COL23A1: variants seen among roughly 807,000 people sequenced by gnomAD.
COL23A1 encodes the protein collagen alpha-1(XXIII) chain.
A neutral mutation model predicts 99.3 loss-of-function variants in COL23A1; 97 were observed. The ratio of observed to expected loss-of-function variants is 0.98; its 90% CI spans 0.83 to 1.16. The LOEUF (loss-of-function observed/expected upper bound fraction) is 1.16, where lower values mean the gene tolerates loss of function less well. COL23A1 is among the 50% of genes most tolerant of loss of function. The probability of loss-of-function intolerance (pLI) is 0.00; values close to 1 mark genes in which losing one functional copy is unlikely to be tolerated. For synonymous variants in COL23A1, 320 were observed against 308.2 expected (o/e 1.04, Z -0.40); for missense variants, 762 against 757.4 (o/e 1.01, Z -0.07).
At position 178,366,724 on chromosome 5, in the gene COL23A1, C is replaced by T. The variant is rs572155714; in HGVS notation, c.362-59805G>A. ...CCACACTGAGCATCCCAAACCTCGC[C>T]GGAAGCACGTTCCTCCTCCGTGCCT... On this transcript the variant is annotated intron_variant, in intron 2 of 28. Transcript: ENST00000390654. The surrounding 1 kb of genome is among the most constrained non-coding windows in gnomAD (Gnocchi z 4.4). 3.3e-5 allele frequency among the ~76,000 whole-genome samples: 5 copies of T among 152,214 alleles called. No homozygotes were observed. Among genetic ancestry groups the T allele is most frequent in the East Asian group, 1.9e-4 (1 of 5,188 alleles).
chr5:178,288,646 C>T (rs1017032655), intron 4 of COL23A1: 10 of 537,224 alleles, frequency 1.9e-5, no homozygotes, highest in East Asian at 6.3e-5. Flanking sequence ...CACGTGGGGA[C>T]GTGGGGTTCT....
chr5:178,519,087 C>T (rs1445486986), intron 2 of COL23A1, among the ~76,000 whole-genome samples: 1 of 151,972 alleles, frequency 6.6e-6, no homozygotes, highest in Non-Finnish European at 1.5e-5. Flanking sequence ...GGACGGGCTC[C>T]CTAAGCCACC....
intron 2 of COL23A1, among the ~76,000 whole-genome samples, chr5:178,328,157 G>A (rs755522085): frequency 2.0e-5 from 3 of 152,142 alleles, no homozygotes; most frequent in Non-Finnish European, 4.4e-5. Context: ...CTTTGGCCAA[G>A]GGTTCCTCCT....
intron 2 of COL23A1, among the ~76,000 whole-genome samples, chr5:178,455,984 GTT>G (rs1767769467): frequency 6.6e-6 from 1 of 152,216 alleles, no homozygotes; most frequent in African/African-American, 2.4e-5. Flanking sequence ...AGGGACTTGA[GTT>G]GTTAAGGTGG....
At chr5:178,485,255 T>C (rs1757557619) in intron 2 of COL23A1, among the ~76,000 whole-genome samples, 2 of 149,758 alleles carry the variant, frequency 1.3e-5, no homozygotes, top group South Asian at 4.3e-4. Context: ...GCGGATCATT[T>C]GAGCTCAGGA....
intron 1 of COL23A1, among the ~76,000 whole-genome samples, chr5:178,581,984 T>C (rs979096205): frequency 6.6e-6 from 1 of 151,768 alleles, no homozygotes; most frequent in Non-Finnish European, 1.5e-5. Flanking sequence ...GATGGTAAGA[T>C]TATAGGGTAA....
rs544024084 is a variant in COL23A1 at position 178,341,881 on chromosome 5, G to C, written c.362-34962C>G. Among the ~76,000 whole-genome samples the C allele has an allele frequency of 4.6e-5, 7 of 152,274 alleles. No individual in the cohort carries two copies. The South Asian group carries it at 1.5e-3, about 32-fold the overall frequency. On this transcript the variant is annotated intron_variant, in intron 2 of 28. Coordinates refer to ENST00000390654, the MANE Select transcript of COL23A1 (RefSeq NM_173465.4). ...GACAGCACCTGGCGAGCCCCTCACT[G>C]CCTTCACGTCTTTGCTCACATGCCA...
intron 2 of COL23A1, chr5:178,344,824 C>A (rs1443277374): frequency 3.0e-6 from 2 of 666,856 alleles, no homozygotes; most frequent in African/African-American, 3.6e-5. Flanking sequence ...GTAGCTCAGG[C>A]CCATGGATCT....
chr5:178,546,760 C>T (rs1761603811), intron 2 of COL23A1, among the ~76,000 whole-genome samples: 2 of 152,222 alleles, frequency 1.3e-5, no homozygotes, highest in African/African-American at 4.8e-5. Context: ...CTGTCCGTGA[C>T]ACCCGCTTCC....
At chr5:178,372,838 A>C (rs775079338) in intron 2 of COL23A1, among the ~76,000 whole-genome samples, 3 of 152,060 alleles carry the variant, frequency 2.0e-5, no homozygotes, top group Non-Finnish European at 2.9e-5. Context: ...TGCCTCCCAA[A>C]GTACTGGGAT....
At chr5:178,304,567 C>A (rs1359800742) in intron 3 of COL23A1, among the ~76,000 whole-genome samples, 1 of 151,336 alleles carries the variant, frequency 6.6e-6, no homozygotes, top group African/African-American at 2.4e-5. Context: ...AAAAAGGCCT[C>A]CGGCCTCCTT....
At chr5:178,290,520 G>T in intron 3 of COL23A1, 151 bp from the exon 4 acceptor site, 1 of 1,032,662 alleles carries the variant, frequency 9.7e-7, no homozygotes. Context: ...TTCCTGCCAC[G>T]GCCTGAAGCT....
chr5:178,516,653 G>A (rs1190536697), intron 2 of COL23A1, among the ~76,000 whole-genome samples: 1 of 152,218 alleles, frequency 6.6e-6, no homozygotes, highest in Non-Finnish European at 1.5e-5. Flanking sequence ...TAGAGAAGAT[G>A]TGCATTTATC....
intron 2 of COL23A1, among the ~76,000 whole-genome samples, chr5:178,553,731 TTC>T (rs1762127783): frequency 6.6e-6 from 1 of 152,130 alleles, no homozygotes; most frequent in Non-Finnish European, 1.5e-5. Flanking sequence ...CACTTTCCTT[TTC>T]TGTTTCTCTC....
chr5:178,385,289 C>A (rs557899295), intron 2 of COL23A1, among the ~76,000 whole-genome samples: 80 of 152,312 alleles, frequency 5.3e-4, no homozygotes, highest in African/African-American at 1.9e-3. Flanking sequence ...CTTCCCTCCC[C>A]CCAGGTCTCA....
chr5:178,489,281 C>G (rs1381650213), intron 2 of COL23A1, among the ~76,000 whole-genome samples: 1 of 152,208 alleles, frequency 6.6e-6, no homozygotes, highest in Non-Finnish European at 1.5e-5. Context: ...TCCTCCTGCC[C>G]TTGGACATCA....
chr5:178,506,866 G>A (rs1047997763), intron 2 of COL23A1, among the ~76,000 whole-genome samples: 3 of 152,102 alleles, frequency 2.0e-5, no homozygotes, highest in African/African-American at 7.2e-5. Context: ...GTCCCACTTG[G>A]AATGCACGAA....
chr5:178,287,661 G>C (rs1174249605), intron 5 of COL23A1, among the ~76,000 whole-genome samples: 1 of 152,146 alleles, frequency 6.6e-6, no homozygotes, highest in Admixed American at 6.5e-5. Context: ...GGCACAAAAT[G>C]AATCTGCCCC....
At chr5:178,404,048 G>T (rs1219523975) in intron 2 of COL23A1, among the ~76,000 whole-genome samples, 1 of 152,220 alleles carries the variant, frequency 6.6e-6, no homozygotes, top group Non-Finnish European at 1.5e-5. Context: ...GGCAGATGGG[G>T]TCTCCTGCAC....
Sources: gnomAD v4.1 joint callset for allele counts (sites outside exome capture counted in the v4.1 genomes callset) on GRCh38, gnomAD v4.1.1 for gene constraint, Gnocchi (gnomAD v3.1) non-coding constraint, MANE v1.5 for transcripts, NCBI Gene and HGNC (gene_info 2026-07-23, HGNC 2026-07-21) for gene names.